TINAG: variants seen among roughly 807,000 people sequenced by gnomAD.
TINAG encodes the protein tubulointerstitial nephritis antigen.
In TINAG, 83 loss-of-function variants were observed where a neutral mutation model predicts 72.7. The observed-to-expected ratio is 1.14, with a 90% CI of 0.96 to 1.37. The LOEUF is 1.37. Ranked by LOEUF, TINAG falls within the 40% of genes most tolerant of loss-of-function variation. The probability of loss-of-function intolerance (pLI) is 0.00; values close to 1 mark genes in which losing one functional copy is unlikely to be tolerated. For missense variants in TINAG, 685 were observed against 576.6 expected (o/e 1.19, Z -1.93); for synonymous variants, 234 against 189.9 (o/e 1.23, Z -1.91).
At chr6:54,318,548 C>A (rs1393429994) in intron 1 of TINAG, among the ~76,000 whole-genome samples, 1 of 152,086 alleles carries the variant, frequency 6.6e-6, no homozygotes, top group African/African-American at 2.4e-5. Context: ...GAACCTCCAC[C>A]CTAGTCAGCT....
At chr6:54,366,526 AG>A (rs1763424863) in intron 9 of TINAG, among the ~76,000 whole-genome samples, 2 of 148,724 alleles carry the variant, frequency 1.3e-5, no homozygotes, top group South Asian at 4.4e-4. Context: ...GTACCATGGC[AG>A]GCATTAAGAA....
intron 9 of TINAG, among the ~76,000 whole-genome samples, chr6:54,362,286 G>A (rs1337030730): frequency 6.6e-6 from 1 of 151,584 alleles, no homozygotes; most frequent in East Asian, 1.9e-4. Context: ...AGGGTCTAAG[G>A]TAGCTGGTGA....
intron 9 of TINAG, among the ~76,000 whole-genome samples, chr6:54,379,521 G>C (rs1452158086): frequency 5.3e-5 from 8 of 151,928 alleles, no homozygotes; most frequent in Admixed American, 5.2e-4. Context: ...TTCTACGTTA[G>C]GCACAAAGCC....
chr6:54,356,912 T>C (rs1325564123), intron 9 of TINAG, among the ~76,000 whole-genome samples: 3 of 53,416 alleles, frequency 5.6e-5, no homozygotes, highest in Non-Finnish European at 1.1e-4. Flanking sequence ...TTGTTATCCC[T>C]CAGATTAAAA....
At chr6:54,317,869 C>T (rs911594738) in intron 1 of TINAG, among the ~76,000 whole-genome samples, 5 of 152,124 alleles carry the variant, frequency 3.3e-5, no homozygotes, top group African/African-American at 9.7e-5. Context: ...ACTGAAATCT[C>T]TCTTGGCAGG....
At chr6:54,327,116 A>T (rs1562152644) in intron 4 of TINAG, 200 bp downstream of exon 4, 2 of 1,549,264 alleles carry the variant, frequency 1.3e-6, no homozygotes, top group Non-Finnish European at 1.7e-6. Flanking sequence ...GTTTACTGTT[A>T]CCAATTAGAC....
In TINAG at chr6:54,349,720, G is replaced by A; in HGVS notation, c.904G>A (p.Val302Ile). ...TTCTTTGCTTATTCCTCATAGACTG[G>A]TATCCCACGCATGCTACCCACTTTT... Reference protein sequence around the residue: ...AWWYLRKRGLVSHACYPLFKD... With the variant: ...AWWYLRKRGLISHACYPLFKD... Residue 302 changes from valine to isoleucine, a missense_variant, in exon 7 of 11, where the codon GTA (valine) becomes ATA (isoleucine). Transcript: ENST00000259782. The A allele has an allele frequency of 1.3e-6, 2 of 1,558,292 alleles. No individual in the cohort carries two copies. Among genetic ancestry groups the A allele is most frequent in the Non-Finnish European group, 1.7e-6 (2 of 1,146,620 alleles).
intron 3 of TINAG, 38 bp downstream of exon 3, chr6:54,321,424 C>A (rs1248929839): frequency 1.4e-6 from 2 of 1,390,900 alleles, no homozygotes; most frequent in African/African-American, 1.4e-5. Flanking sequence ...CTTGACACTG[C>A]CATTTACTAT....
At chr6:54,308,026 G>T (rs1482421948), upstream of TINAG, 1 of 1,548,708 alleles carries the variant, frequency 6.5e-7, no homozygotes, top group Non-Finnish European at 8.7e-7. Flanking sequence ...ATGATTTAGA[G>T]CAACTGTTAT....
chr6:54,357,146 T>A (rs1469656661), intron 9 of TINAG, among the ~76,000 whole-genome samples: 1 of 151,938 alleles, frequency 6.6e-6, no homozygotes, highest in Non-Finnish European at 1.5e-5. Context: ...ATTGGTCAGA[T>A]CCCAGACCTG....
chr6:54,376,478 C>T (rs994634826), intron 9 of TINAG, among the ~76,000 whole-genome samples: 1 of 152,016 alleles, frequency 6.6e-6, no homozygotes, highest in Non-Finnish European at 1.5e-5. Flanking sequence ...TTATTTATGG[C>T]ATCTAATATG....
At chr6:54,343,776 GAAGT>G (rs915566253) in intron 5 of TINAG, among the ~76,000 whole-genome samples, 10 of 151,958 alleles carry the variant, frequency 6.6e-5, no homozygotes, top group Admixed American at 2.0e-4. Context: ...AATTTGATGT[GAAGT>G]AAGACTTTAA....
intron 9 of TINAG, among the ~76,000 whole-genome samples, chr6:54,371,225 G>A (rs867483032): frequency 6.6e-6 from 1 of 151,884 alleles, no homozygotes; most frequent in Non-Finnish European, 1.5e-5. Context: ...CATAAAGAAC[G>A]AGGATACTGG....
At chr6:54,355,797 G>C (rs1298833953) in intron 9 of TINAG, among the ~76,000 whole-genome samples, 2 of 149,638 alleles carry the variant, frequency 1.3e-5, no homozygotes, top group African/African-American at 4.9e-5. Flanking sequence ...TTGAAATCTT[G>C]GAGTATTTTT....
chr6:54,334,107 T>TA (rs1260198705), intron 4 of TINAG, among the ~76,000 whole-genome samples: 3 of 152,238 alleles, frequency 2.0e-5, no homozygotes, highest in African/African-American at 7.2e-5. Context: ...ACAAACCTGT[T>TA]ACTCACAAAT....
intron 1 of TINAG, among the ~76,000 whole-genome samples, chr6:54,310,186 A>G (rs1784207874): frequency 6.6e-6 from 1 of 150,984 alleles, no homozygotes; most frequent in African/African-American, 2.4e-5. Flanking sequence ...GAGCTCAAAC[A>G]ATCCTCCTCC....
intron 4 of TINAG, among the ~76,000 whole-genome samples, chr6:54,333,355 A>G (rs1784787162): frequency 6.6e-6 from 1 of 152,166 alleles, no homozygotes; most frequent in Admixed American, 6.5e-5. Context: ...TTCTCAGCAA[A>G]CTAAGACAGG....
intron 4 of TINAG, among the ~76,000 whole-genome samples, chr6:54,335,528 G>C (rs1368830734): frequency 6.6e-6 from 1 of 152,160 alleles, no homozygotes; most frequent in Non-Finnish European, 1.5e-5. Flanking sequence ...CTGAGTGTTA[G>C]AGAGGTTTTA....
At chr6:54,324,416 C>A (rs898756145) in intron 3 of TINAG, among the ~76,000 whole-genome samples, 1 of 152,116 alleles carries the variant, frequency 6.6e-6, no homozygotes, top group Non-Finnish European at 1.5e-5. Context: ...ATGGGGCATA[C>A]GTGGAAGTTG....
Sources: allele counts gnomAD v4.1 joint callset (sites outside exome capture counted in the v4.1 genomes callset), GRCh38; gene constraint gnomAD v4.1.1; transcripts MANE v1.5; gene names NCBI Gene and HGNC (gene_info 2026-07-23, HGNC 2026-07-21).